SHROOM3: variants seen among roughly 807,000 people sequenced by gnomAD.
SHROOM3 encodes protein Shroom3.
In SHROOM3, 47 loss-of-function variants were observed where a neutral mutation model predicts 138.6. That is an observed-to-expected ratio of 0.34 (90% CI 0.27 to 0.43). The LOEUF (loss-of-function observed/expected upper bound fraction) is 0.43. Ranked by LOEUF, SHROOM3 falls within the 20% of genes least tolerant of loss-of-function variation. SHROOM3 has a pLI of 1.00. For synonymous variants in SHROOM3, 1,062 were observed against 1,063.3 expected, an observed-to-expected ratio of 1.00 and a Z score of 0.02; for missense variants, 2,491 against 2,596.5, an observed-to-expected ratio of 0.96 and a Z score of 0.88.
intron 2 of SHROOM3, among the ~76,000 whole-genome samples, chr4:76,692,326 G>C (rs982388490): frequency 6.6e-6 from 1 of 152,196 alleles, no homozygotes; most frequent in African/African-American, 2.4e-5. Flanking sequence ...ATCATTTACT[G>C]TGTGGGAGGC....
intron 2 of SHROOM3, among the ~76,000 whole-genome samples, chr4:76,607,434 A>C (rs899212279): frequency 2.0e-5 from 3 of 152,194 alleles, no homozygotes; most frequent in African/African-American, 4.8e-5. Context: ...AGATTCCCAG[A>C]CGTGGGATAG....
chr4:76,702,628 A>G (rs1489907260), intron 2 of SHROOM3, among the ~76,000 whole-genome samples: 1 of 152,144 alleles, frequency 6.6e-6, no homozygotes, highest in African/African-American at 2.4e-5. Context: ...GTCCATATAC[A>G]TTACACAGCC....
At chr4:76,565,791 G>T (rs1733708904) in intron 2 of SHROOM3, among the ~76,000 whole-genome samples, 1 of 152,102 alleles carries the variant, frequency 6.6e-6, no homozygotes, top group South Asian at 2.1e-4. Flanking sequence ...TAATAGATGT[G>T]GGGGTGTAGC....
At chr4:76,685,608 T>C (rs1438930253) in intron 2 of SHROOM3, among the ~76,000 whole-genome samples, 3 of 152,176 alleles carry the variant, frequency 2.0e-5, no homozygotes, top group African/African-American at 7.2e-5. Flanking sequence ...AAAGCTTTAG[T>C]TGTAATAATA....
intron 2 of SHROOM3, among the ~76,000 whole-genome samples, chr4:76,645,811 A>T (rs1052407836): frequency 6.6e-6 from 1 of 152,126 alleles, no homozygotes; most frequent in Non-Finnish European, 1.5e-5. Context: ...AATAGTCCAA[A>T]ATCTGGAAAA....
chr4:76,619,760 C>G (rs957117612), intron 2 of SHROOM3, among the ~76,000 whole-genome samples: 1 of 152,052 alleles, frequency 6.6e-6, no homozygotes, highest in African/African-American at 2.4e-5. Context: ...ACCCAGAGGG[C>G]TTTAAGAAAC....
intron 5 of SHROOM3, among the ~76,000 whole-genome samples, chr4:76,748,739 C>T (rs1721526418): frequency 6.7e-6 from 1 of 150,240 alleles, no homozygotes; most frequent in South Asian, 2.1e-4. Flanking sequence ...CGTTAGGAGA[C>T]TTCTCTTAGT....
chr4:76,509,940 C>CA (rs1732298248), intron 1 of SHROOM3, among the ~76,000 whole-genome samples: 1 of 151,872 alleles, frequency 6.6e-6, no homozygotes, highest in South Asian at 2.1e-4. Context: ...TGAAATTTGC[C>CA]AAAATTTAAA....
intron 1 of SHROOM3, among the ~76,000 whole-genome samples, chr4:76,497,849 C>T (rs1732001894): frequency 6.6e-6 from 1 of 152,120 alleles, no homozygotes; most frequent in Non-Finnish European, 1.5e-5. Context: ...CAGAGCAAGA[C>T]TCCGTCTCAA....
At chr4:76,734,907 G>A (rs1268415761) in intron 4 of SHROOM3, among the ~76,000 whole-genome samples, 1 of 152,184 alleles carries the variant, frequency 6.6e-6, no homozygotes, top group Non-Finnish European at 1.5e-5. Flanking sequence ...GAGAAGAGAT[G>A]CTCTTTAGTT....
chr4:76,598,245 C>A (rs1344727596), intron 2 of SHROOM3, among the ~76,000 whole-genome samples: 1 of 152,060 alleles, frequency 6.6e-6, no homozygotes, highest in East Asian at 1.9e-4. Context: ...CCAGGATGGT[C>A]TCGATCTCCT....
chr4:76,632,157 C>G (rs182529171), intron 2 of SHROOM3, among the ~76,000 whole-genome samples: 35 of 152,136 alleles, frequency 2.3e-4, no homozygotes, highest in Middle Eastern at 3.4e-3. Flanking sequence ...GTTGGATAGA[C>G]CAATCTGACA....
intron 2 of SHROOM3, among the ~76,000 whole-genome samples, chr4:76,686,871 T>C (rs1719351104): frequency 6.6e-6 from 1 of 152,224 alleles, no homozygotes; most frequent in Non-Finnish European, 1.5e-5. Flanking sequence ...TTGTGGGTTC[T>C]GTCACTGACT....
rs188344211 is a variant in SHROOM3, at chr4:76,709,158, G to A, written c.324-998G>A. Among the ~76,000 whole-genome samples, 292 of 152,336 alleles carry A rather than the reference G, an allele frequency of 1.9e-3. 1 individual carries two copies. The highest frequency in any genetic ancestry group is 6.4e-3 in the African/African-American group (266 of 41,560). On this transcript the variant is annotated intron_variant, in intron 2 of 10. Coordinates refer to ENST00000296043, the MANE Select transcript of SHROOM3 (RefSeq NM_020859.4). ...CCAGGAAATAGAAGGCCAGATGGAC[G>A]GGGCTTATTCTTAACAGCTGTTCAG... is the stretch of plus-strand genomic sequence containing the variant.
At chr4:76,659,246 G>C (rs1333012811) in intron 2 of SHROOM3, among the ~76,000 whole-genome samples, 1 of 152,094 alleles carries the variant, frequency 6.6e-6, no homozygotes, top group Non-Finnish European at 1.5e-5. Context: ...CCTCACTAGA[G>C]AGCCTCAAGT....
At chr4:76,621,204 A>G (rs1240310614) in intron 2 of SHROOM3, among the ~76,000 whole-genome samples, 1 of 152,102 alleles carries the variant, frequency 6.6e-6, no homozygotes, top group Non-Finnish European at 1.5e-5. Context: ...AGCACTGCAG[A>G]GAGCCTCACA....
chr4:76,571,033 A>AT (rs1733824635), intron 2 of SHROOM3, among the ~76,000 whole-genome samples: 1 of 152,238 alleles, frequency 6.6e-6, no homozygotes, highest in Non-Finnish European at 1.5e-5. Flanking sequence ...TACAGGAATC[A>AT]TTTTTGATTT....
At chr4:76,777,528 A>G (rs187567027) in intron 10 of SHROOM3, among the ~76,000 whole-genome samples, 1 of 152,292 alleles carries the variant, frequency 6.6e-6, no homozygotes, top group East Asian at 1.9e-4. Context: ...GTATAGGATC[A>G]TATCGTTGGC....
intron 1 of SHROOM3, among the ~76,000 whole-genome samples, chr4:76,449,971 G>C (rs1388465762): frequency 6.6e-6 from 1 of 152,142 alleles, no homozygotes; most frequent in Non-Finnish European, 1.5e-5. Flanking sequence ...TTAACAAGTG[G>C]TTTTAAAAAT....
Sources: allele counts gnomAD v4.1 joint callset (sites outside exome capture counted in the v4.1 genomes callset), GRCh38; gene constraint gnomAD v4.1.1; transcripts MANE v1.5; gene names NCBI Gene and HGNC (gene_info 2026-07-23, HGNC 2026-07-21).